NPAS3: variants seen among roughly 807,000 people sequenced by gnomAD.
NPAS3 encodes the protein neuronal PAS domain protein 3.
A neutral mutation model predicts 73.1 loss-of-function variants in NPAS3; 14 were observed. The observed-to-expected ratio is 0.19, with a 90% CI of 0.13 to 0.30. The LOEUF is 0.30. NPAS3 is among the 10% of genes least tolerant of loss of function. NPAS3 has a pLI of 1.00. For missense variants in NPAS3, 1,096 were observed against 1,250.0 expected (o/e 0.88, Z 1.86); for synonymous variants, 620 against 541.5 (o/e 1.14, Z -2.01).
chr14:33,532,421 C>T (rs1399821239), intron 4 of NPAS3, among the ~76,000 whole-genome samples: 1 of 152,102 alleles, frequency 6.6e-6, no homozygotes, highest in Non-Finnish European at 1.5e-5. Flanking sequence ...TCTTCAGCAG[C>T]TCTGGGATGG....
intron 5 of NPAS3, among the ~76,000 whole-genome samples, chr14:33,582,352 G>C (rs1190536296): frequency 6.6e-6 from 1 of 152,212 alleles, no homozygotes; most frequent in Admixed American, 6.5e-5. Context: ...CAAAAGGCTT[G>C]GTTATGTTTC....
intron 2 of NPAS3, among the ~76,000 whole-genome samples, chr14:33,101,694 A>C (rs2042581430): frequency 6.6e-6 from 1 of 152,078 alleles, no homozygotes; most frequent in Non-Finnish European, 1.5e-5. Flanking sequence ...AACACCATTC[A>C]TTCCTAAGCT....
At chr14:33,559,084 A>G (rs181104247) in intron 4 of NPAS3, among the ~76,000 whole-genome samples, 4 of 152,146 alleles carry the variant, frequency 2.6e-5, no homozygotes, top group Admixed American at 1.3e-4. Context: ...TGAAAATGCA[A>G]CCCTCCATTT....
At chr14:33,657,043 G>C (rs2059163786) in intron 5 of NPAS3, among the ~76,000 whole-genome samples, 1 of 152,140 alleles carries the variant, frequency 6.6e-6, no homozygotes, top group Non-Finnish European at 1.5e-5. Context: ...CCCTTAAAAA[G>C]GTAGATCCTG....
intron 4 of NPAS3, among the ~76,000 whole-genome samples, chr14:33,380,704 TTTG>T (rs1323363864): frequency 1.3e-5 from 2 of 152,144 alleles, no homozygotes; most frequent in Non-Finnish European, 2.9e-5. Flanking sequence ...TATTATAAAA[TTTG>T]TTGTTCTGGA....
chr14:33,384,567 TA>T (rs983161996), intron 4 of NPAS3, among the ~76,000 whole-genome samples: 89 of 152,138 alleles, frequency 5.8e-4, no homozygotes, highest in African/African-American at 2.0e-3. Context: ...CCATCTCTAC[TA>T]AAAGTACAAA....
chr14:33,229,932 C>T (rs925729679), intron 3 of NPAS3, among the ~76,000 whole-genome samples: 8 of 152,150 alleles, frequency 5.3e-5, no homozygotes, highest in African/African-American at 1.9e-4. Context: ...GGCTTCTGCT[C>T]CTGCTAAAAT....
At chr14:33,581,779 G>T (rs1273306713) in intron 5 of NPAS3, among the ~76,000 whole-genome samples, 1 of 152,172 alleles carries the variant, frequency 6.6e-6, no homozygotes, top group East Asian at 1.9e-4. Context: ...CCACCATGTT[G>T]CCCAGGCTGG....
intron 1 of NPAS3, among the ~76,000 whole-genome samples, chr14:32,973,533 A>ATTTTTT (rs71432099): frequency 7.8e-6 from 1 of 128,920 alleles, no homozygotes. Context: ...GTATATTTTG[A>ATTTTTT]TTTTTTTTTT....
At chr14:33,067,539 A>G (rs956049627) in intron 2 of NPAS3, among the ~76,000 whole-genome samples, 2 of 152,218 alleles carry the variant, frequency 1.3e-5, no homozygotes, top group Non-Finnish European at 2.9e-5. Context: ...TCACCTCACA[A>G]CAATCTCCAC....
At chr14:33,667,718 A>ATAAAT (rs1491553526) in intron 5 of NPAS3, among the ~76,000 whole-genome samples, 1 of 152,186 alleles carries the variant, frequency 6.6e-6, no homozygotes, top group East Asian at 1.9e-4. Flanking sequence ...TTCACAAGAA[A>ATAAAT]TAAATTATAC....
At chr14:33,582,797 G>T (rs1490410763) in intron 5 of NPAS3, among the ~76,000 whole-genome samples, 2 of 152,026 alleles carry the variant, frequency 1.3e-5, no homozygotes, top group Non-Finnish European at 2.9e-5. Context: ...TATAACTAAT[G>T]GAGAAATCCC....
chr14:33,621,385 A>C (rs1399763141), intron 5 of NPAS3, among the ~76,000 whole-genome samples: 1 of 152,170 alleles, frequency 6.6e-6, no homozygotes, highest in Non-Finnish European at 1.5e-5. Flanking sequence ...ATCATATTAG[A>C]TGAGTTTGAA....
chr14:33,028,222 C>T (rs2039871639), intron 1 of NPAS3, among the ~76,000 whole-genome samples: 1 of 152,146 alleles, frequency 6.6e-6, no homozygotes, highest in Non-Finnish European at 1.5e-5. Flanking sequence ...CAATAGCTTT[C>T]CCTTTAAAAA....
At position 33,410,819 on chromosome 14, in the gene NPAS3, T is replaced by C. The variant is rs527497772; in HGVS notation, c.468+43551T>C. On this transcript the variant is annotated intron_variant, in intron 4 of 11. Transcript: ENST00000356141. Reference sequence around the variant, plus strand: ...CGCCACCACACCCGGCTAATTTTTGTATTTTTAGTAGAGACAGGATTTCAC... The same window carrying C: ...CGCCACCACACCCGGCTAATTTTTGCATTTTTAGTAGAGACAGGATTTCAC... 1.4e-4 allele frequency among the ~76,000 whole-genome samples: 22 copies of C among 152,280 alleles called. No homozygotes were observed. The South Asian group carries it at 4.6e-3, about 32-fold the overall frequency.
intron 7 of NPAS3, among the ~76,000 whole-genome samples, chr14:33,764,680 A>G (rs2062403905): frequency 6.6e-6 from 1 of 152,360 alleles, no homozygotes; most frequent in Middle Eastern, 3.4e-3. Context: ...AGTGACACTA[A>G]GCCATGAGGG....
chr14:33,611,444 AG>A (rs970742040), intron 5 of NPAS3, among the ~76,000 whole-genome samples: 11 of 152,174 alleles, frequency 7.2e-5, no homozygotes, highest in African/African-American at 2.4e-4. Context: ...GAAAACGTAG[AG>A]GAAGAGGTGA....
rs184867008 is a variant in NPAS3, at chr14:33,639,259, A to T, written c.559-36952A>T. ...AATAAATCAGCAAAGGTGGATATAT[A>T]TGTAGACACACTCCTGTCTGGATTG... On this transcript the variant is annotated intron_variant, in intron 5 of 11. Transcript: ENST00000356141. 4.6e-4 allele frequency among the ~76,000 whole-genome samples: 70 copies of T among 152,318 alleles called. 1 individual carries two copies. The Middle Eastern group carries it at 0.031, about 67-fold the overall frequency.
At chr14:33,136,350 C>T (rs533128027) in intron 2 of NPAS3, among the ~76,000 whole-genome samples, 8 of 152,012 alleles carry the variant, frequency 5.3e-5, no homozygotes, top group South Asian at 2.1e-4. Flanking sequence ...TGAGCCACTG[C>T]GCCTGGCCAA....
Sources: gnomAD v4.1 joint callset for allele counts (sites outside exome capture counted in the v4.1 genomes callset) on GRCh38, gnomAD v4.1.1 for gene constraint, MANE v1.5 for transcripts, NCBI Gene and HGNC (gene_info 2026-07-23, HGNC 2026-07-21) for gene names.